The following RAD51B variants were observed in gnomAD, a reference collection of about 807,000 sequenced individuals.
RAD51B encodes RAD51 paralog B.
In RAD51B, 38 loss-of-function variants were observed where a neutral mutation model predicts 42.2. The ratio of observed to expected loss-of-function variants is 0.90; its 90% CI spans 0.70 to 1.18. The LOEUF (loss-of-function observed/expected upper bound fraction) is 1.18. RAD51B is among the 50% of genes most tolerant of loss of function. The pLI, the probability that RAD51B is intolerant of heterozygous loss-of-function variation, is 0.00. For missense variants in RAD51B, 373 were observed against 400.7 expected, an observed-to-expected ratio of 0.93 and a Z score of 0.59; for synonymous variants, 154 against 145.2, an observed-to-expected ratio of 1.06 and a Z score of -0.43.
intron 7 of RAD51B, among the ~76,000 whole-genome samples, chr14:68,018,910 T>C (rs2075820106): frequency 6.6e-6 from 1 of 152,168 alleles, no homozygotes; most frequent in Admixed American, 6.5e-5. Context: ...CTTGGGTAAT[T>C]ATTCTTTGGG....
intron 10 of RAD51B, chr14:68,541,889 C>T (rs1887986915): frequency 2.2e-6 from 2 of 928,180 alleles, no homozygotes; most frequent in Admixed American, 6.2e-5. Context: ...TATTGAGATC[C>T]CCATTGGTCC....
At chr14:68,515,778 C>CTT (rs546071661) in intron 10 of RAD51B, among the ~76,000 whole-genome samples, 123 of 113,386 alleles carry the variant, frequency 1.1e-3, no homozygotes, top group South Asian at 1.5e-3. Context: ...CTTTTCTTTT[C>CTT]TTTTTTTTTT....
At chr14:68,162,550 C>T (rs2478777) in intron 7 of RAD51B, among the ~76,000 whole-genome samples, 121,282 of 152,150 alleles carry the variant, frequency 0.8, 48,801 homozygotes, top group East Asian at 0.98. Context: ...CTTTGGGAGG[C>T]GGAGGCAGGC....
At chr14:68,681,221 T>G (rs1893422690) in intron 11 of RAD51B, among the ~76,000 whole-genome samples, 1 of 152,168 alleles carries the variant, frequency 6.6e-6, no homozygotes, top group African/African-American at 2.4e-5. Context: ...TATTCGATTT[T>G]TGAATTGTGG....
intron 10 of RAD51B, among the ~76,000 whole-genome samples, chr14:68,506,467 A>G (rs1173502097): frequency 6.6e-6 from 1 of 152,222 alleles, no homozygotes; most frequent in Non-Finnish European, 1.5e-5. Context: ...AAGGAAAACA[A>G]TGGCAAACAG....
intron 7 of RAD51B, among the ~76,000 whole-genome samples, chr14:68,052,372 C>A (rs890670949): frequency 6.8e-6 from 1 of 146,002 alleles, no homozygotes; most frequent in African/African-American, 2.5e-5. Flanking sequence ...GGTATATTTA[C>A]TTTTTTTTTT....
chr14:68,635,985 C>G (rs1595040213), intron 10 of RAD51B, among the ~76,000 whole-genome samples: 1 of 152,046 alleles, frequency 6.6e-6, no homozygotes, highest in Non-Finnish European at 1.5e-5. Flanking sequence ...TAAGTGATAG[C>G]AGTTTTAATT....
At chr14:68,243,284 C>T (rs560229068) in intron 7 of RAD51B, among the ~76,000 whole-genome samples, 47 of 151,874 alleles carry the variant, frequency 3.1e-4, no homozygotes, top group Non-Finnish European at 4.7e-4. Context: ...TTTAAACTTG[C>T]GAAGGTTAAA....
At chr14:68,157,082 A>G (rs574250664) in intron 7 of RAD51B, among the ~76,000 whole-genome samples, 1 of 152,286 alleles carries the variant, frequency 6.6e-6, no homozygotes, top group Admixed American at 6.5e-5. Context: ...CTGTGGTCCA[A>G]GCTACCTGGG....
At chr14:68,506,979 A>G (rs896323524) in intron 10 of RAD51B, among the ~76,000 whole-genome samples, 1 of 152,078 alleles carries the variant, frequency 6.6e-6, no homozygotes, top group African/African-American at 2.4e-5. Flanking sequence ...CATTTCCTGT[A>G]CTAGTTACCA....
rs556821335 is a variant in RAD51B, at chr14:68,504,754, C to G, written c.1036+36504C>G. Among the ~76,000 whole-genome samples, 215 of 127,238 alleles carry G rather than the reference C, an allele frequency of 1.7e-3. 1 individual carries two copies. Among genetic ancestry groups the G allele is most frequent in the African/African-American group, 6.1e-3 (204 of 33,718 alleles). The allele number at this position is 127,238 out of a possible 152,430, so 83.5% of individuals were successfully genotyped here. A position where few individuals can be genotyped will look rare whatever the true frequency, so the allele number is the denominator to read the frequency against. ...AATTAATAGTAATAATCGCATATGG[C>G]TTTTTAATGGCTCTCCATTGCCAAA... On this transcript the variant is annotated intron_variant, in intron 10 of 10. Transcript: ENST00000487270.
intron 9 of RAD51B, among the ~76,000 whole-genome samples, chr14:68,415,786 C>T (rs1045333903): frequency 2.0e-5 from 3 of 152,200 alleles, no homozygotes; most frequent in African/African-American, 7.2e-5. Context: ...AAAATATTCA[C>T]ATTTATACAA....
intron 9 of RAD51B, among the ~76,000 whole-genome samples, chr14:68,449,029 C>T (rs1282165947): frequency 1.3e-5 from 2 of 152,034 alleles, no homozygotes; most frequent in African/African-American, 4.8e-5. Flanking sequence ...TAAAATTAAT[C>T]CACACATTAT....
At chr14:68,333,534 T>C (rs928351294) in intron 8 of RAD51B, among the ~76,000 whole-genome samples, 47 of 152,342 alleles carry the variant, frequency 3.1e-4, no homozygotes, top group Admixed American at 2.8e-3. Flanking sequence ...GCAGCTACAC[T>C]TCTAGCTGTG....
At chr14:68,652,873 C>G (rs1892730203) in intron 11 of RAD51B, among the ~76,000 whole-genome samples, 1 of 152,216 alleles carries the variant, frequency 6.6e-6, no homozygotes, top group African/African-American at 2.4e-5. Context: ...AAGGGTTTGA[C>G]ATCTGCTTTG....
chr14:67,877,094 G>A (rs956629199), intron 5 of RAD51B, among the ~76,000 whole-genome samples: 1 of 152,050 alleles, frequency 6.6e-6, no homozygotes, highest in African/African-American at 2.4e-5. Context: ...GGTGCAAGAA[G>A]AAATTTTTTT....
intron 7 of RAD51B, among the ~76,000 whole-genome samples, chr14:68,088,238 C>T (rs899535235): frequency 9.3e-5 from 14 of 150,922 alleles, no homozygotes; most frequent in African/African-American, 1.5e-4. Context: ...CCTACTAAAA[C>T]GTCTTTTATT....
chr14:68,258,004 A>G (rs1469706724), intron 7 of RAD51B, among the ~76,000 whole-genome samples: 2 of 152,194 alleles, frequency 1.3e-5, no homozygotes, highest in African/African-American at 2.4e-5. Flanking sequence ...GATGTTTAGT[A>G]TAGTTTTTTT....
chr14:68,589,327 T>C (rs1482453475), intron 10 of RAD51B, among the ~76,000 whole-genome samples: 3 of 152,220 alleles, frequency 2.0e-5, no homozygotes, highest in East Asian at 1.9e-4. Context: ...CACCCATTCC[T>C]GTTAGGGTCA....
Sources: allele counts gnomAD v4.1 joint callset (sites outside exome capture counted in the v4.1 genomes callset), GRCh38; gene constraint gnomAD v4.1.1; transcripts MANE v1.5; gene names NCBI Gene and HGNC (gene_info 2026-07-23, HGNC 2026-07-21).